AUTS2: variants seen among roughly 807,000 people sequenced by gnomAD.
The protein encoded by AUTS2 is activator of transcription and developmental regulator AUTS2.
Under a neutral mutation model 112.4 loss-of-function variants are expected in AUTS2, and 17 were observed. The observed-to-expected ratio is 0.15, with a 90% confidence interval of 0.10 to 0.23. The LOEUF (loss-of-function observed/expected upper bound fraction) is 0.23, where lower values mean the gene tolerates loss of function less well. AUTS2 is among the 10% of genes least tolerant of loss of function. AUTS2 has a pLI of 1.00. For missense variants in AUTS2, 1,510 were observed against 1,701.6 expected (o/e 0.89, Z 1.98); for synonymous variants, 751 against 702.7 (o/e 1.07, Z -1.09).
chr7:69,742,941 A>T (rs1787330541), intron 1 of AUTS2, among the ~76,000 whole-genome samples: 1 of 152,128 alleles, frequency 6.6e-6, no homozygotes, highest in Non-Finnish European at 1.5e-5. Context: ...TCTTCCCCAG[A>T]TCCACAGAAA....
chr7:69,876,510 A>G (rs1277009863), intron 1 of AUTS2, among the ~76,000 whole-genome samples: 443 of 42,934 alleles, frequency 0.01, 51 homozygotes, highest in African/African-American at 0.05. Context: ...ATATATATAT[A>G]TATATATATA....
At chr7:69,632,137 T>C (rs1452197459) in intron 1 of AUTS2, among the ~76,000 whole-genome samples, 1 of 152,242 alleles carries the variant, frequency 6.6e-6, no homozygotes, top group East Asian at 1.9e-4. Flanking sequence ...GTCTTTGTTG[T>C]CAGTGAAATC....
chr7:70,254,920 G>C (rs1786780301), intron 4 of AUTS2, among the ~76,000 whole-genome samples: 1 of 152,022 alleles, frequency 6.6e-6, no homozygotes, highest in Admixed American at 6.6e-5. Flanking sequence ...CAGTTGAAAA[G>C]GTCTTGACCC....
chr7:69,961,777 CAAAAG>C (rs996937617), intron 2 of AUTS2, among the ~76,000 whole-genome samples: 1 of 152,058 alleles, frequency 6.6e-6, no homozygotes, highest in Non-Finnish European at 1.5e-5. Flanking sequence ...CTCTTCCTCT[CAAAAG>C]AAGATTATTG....
intron 4 of AUTS2, among the ~76,000 whole-genome samples, chr7:70,245,699 G>A (rs1448798730): frequency 2.0e-5 from 3 of 152,090 alleles, no homozygotes; most frequent in African/African-American, 4.8e-5. Flanking sequence ...TAGAAATAGT[G>A]CTGTATGACT....
chr7:69,851,901 A>C (rs771061510), intron 1 of AUTS2, among the ~76,000 whole-genome samples: 4 of 152,190 alleles, frequency 2.6e-5, no homozygotes, highest in Non-Finnish European at 5.9e-5. Flanking sequence ...TTGTAAGCAT[A>C]TCATCTATAC....
At chr7:70,304,599 G>A (rs1033727802) in intron 4 of AUTS2, among the ~76,000 whole-genome samples, 1 of 151,996 alleles carries the variant, frequency 6.6e-6, no homozygotes, top group Non-Finnish European at 1.5e-5. Flanking sequence ...ATCTTGCGGA[G>A]AAACACAGAG....
At chr7:70,757,807 C>CTTTTTTTTT (rs3974412) in intron 6 of AUTS2, among the ~76,000 whole-genome samples, 8 of 60,534 alleles carry the variant, frequency 1.3e-4, no homozygotes, top group Admixed American at 6.0e-4. Context: ...TCCATGGCTT[C>CTTTTTTTTT]TTTTTTTTTT....
chr7:70,321,985 T>G (rs1158754366), intron 4 of AUTS2, among the ~76,000 whole-genome samples: 15 of 152,204 alleles, frequency 9.9e-5, no homozygotes, highest in Non-Finnish European at 1.5e-5. Context: ...TTTAGCATTT[T>G]AATCCCCAAG....
intron 16 of AUTS2, 47 bp from the exon 17 acceptor site, chr7:70,785,908 C>A: frequency 6.3e-7 from 1 of 1,589,600 alleles, no homozygotes; most frequent in South Asian, 1.1e-5. Flanking sequence ...GGGTTCCTCT[C>A]CCAGCAGAGC....
chr7:69,775,755 C>T (rs563128590), intron 1 of AUTS2, among the ~76,000 whole-genome samples: 23 of 152,282 alleles, frequency 1.5e-4, no homozygotes, highest in African/African-American at 5.5e-4. Context: ...GGGTGAGCTG[C>T]TAGCATTTCT....
chr7:69,719,069 A>G (rs1798775526), intron 1 of AUTS2, among the ~76,000 whole-genome samples: 1 of 152,204 alleles, frequency 6.6e-6, no homozygotes, highest in Non-Finnish European at 1.5e-5. Flanking sequence ...CTTACATGAA[A>G]TGGCCTGCCT....
At chr7:70,162,476 A>G (rs974223443) in intron 4 of AUTS2, among the ~76,000 whole-genome samples, 6 of 144,508 alleles carry the variant, frequency 4.2e-5, no homozygotes, top group Non-Finnish European at 9.1e-5. Flanking sequence ...AAAAAAAAAA[A>G]AAAAGAAGTA....
At chr7:70,224,693 C>G (rs9691023) in intron 4 of AUTS2, among the ~76,000 whole-genome samples, 34,484 of 152,062 alleles carry the variant, frequency 0.23, 3,882 homozygotes, top group Middle Eastern at 0.33. Flanking sequence ...CTCACTCACT[C>G]ACTCACCTAG....
At chr7:70,370,295 C>G (rs568287566) in intron 4 of AUTS2, among the ~76,000 whole-genome samples, 1 of 152,064 alleles carries the variant, frequency 6.6e-6, no homozygotes, top group Non-Finnish European at 1.5e-5. Flanking sequence ...AAAAAAGAAA[C>G]CCTGCACTCC....
At position 70,418,075 on chromosome 7, in the gene AUTS2, CTGTG is replaced by C. The variant is rs34869843; in HGVS notation, c.661-17643_661-17640del. ...TCACCCAGGCTTGGTGGCTAACTTT[CTGTG>C]TGTGTGTGTGTGTGTGTGTGTGTGT... On this transcript the variant is annotated intron_variant, in intron 4 of 18. Transcript: ENST00000342771. 9.3e-3 allele frequency among the ~76,000 whole-genome samples: 1,264 copies of C among 136,422 alleles called. 9 individuals carry two copies. Among genetic ancestry groups the C allele is most frequent in the Middle Eastern group, 0.015 (4 of 264 alleles). The allele number at this position is 136,422 out of a possible 152,430, so 89.5% of individuals were successfully genotyped here. A position where few individuals can be genotyped will look rare whatever the true frequency, so the allele number is the denominator to read the frequency against.
chr7:69,909,119 T>TA (rs1458823634), intron 2 of AUTS2, among the ~76,000 whole-genome samples: 6 of 152,262 alleles, frequency 3.9e-5, no homozygotes, highest in African/African-American at 1.4e-4. Context: ...CATAAAATTG[T>TA]AACAACATAT....
chr7:70,639,616 CAA>C (rs5884790), intron 5 of AUTS2, among the ~76,000 whole-genome samples: 12 of 75,076 alleles, frequency 1.6e-4, no homozygotes, highest in South Asian at 5.1e-4. Flanking sequence ...GACCCTGTCT[CAA>C]AAAAAAAAAA....
At chr7:70,080,459 A>G (rs1234475424) in intron 2 of AUTS2, among the ~76,000 whole-genome samples, 4 of 152,216 alleles carry the variant, frequency 2.6e-5, no homozygotes, top group Non-Finnish European at 5.9e-5. Context: ...AGAATTGCAC[A>G]TATTTTAACA....
Sources: allele counts gnomAD v4.1 joint callset (sites outside exome capture counted in the v4.1 genomes callset), GRCh38; gene constraint gnomAD v4.1.1; transcripts MANE v1.5; gene names NCBI Gene and HGNC (gene_info 2026-07-23, HGNC 2026-07-21).